ZDHHC14: variants seen among roughly 807,000 people sequenced by gnomAD.
ZDHHC14 encodes the protein zDHHC palmitoyltransferase 14.
In ZDHHC14, 16 loss-of-function variants were observed where a neutral mutation model predicts 47.7. That is an observed-to-expected ratio of 0.34 (90% CI 0.23 to 0.51). The LOEUF (loss-of-function observed/expected upper bound fraction) is 0.51. Ranked by LOEUF, ZDHHC14 falls within the 20% of genes least tolerant of loss-of-function variation. The pLI is 0.97. For missense variants in ZDHHC14, 515 were observed against 662.5 expected (o/e 0.78, Z 2.44); for synonymous variants, 293 against 278.9 (o/e 1.05, Z -0.50).
At chr6:157,598,031 C>T (rs1400846986) in intron 3 of ZDHHC14, among the ~76,000 whole-genome samples, 2 of 152,238 alleles carry the variant, frequency 1.3e-5, no homozygotes, top group Admixed American at 6.5e-5. Flanking sequence ...TCTTACTGCA[C>T]ACTCTGCCTT....
intron 1 of ZDHHC14, among the ~76,000 whole-genome samples, chr6:157,530,499 A>G (rs1331492917): frequency 6.6e-6 from 1 of 152,174 alleles, no homozygotes; most frequent in Non-Finnish European, 1.5e-5. Flanking sequence ...CTTTCAGTGA[A>G]TTTCATTTTG....
At chr6:157,622,787 G>A (rs1466792339) in intron 3 of ZDHHC14, among the ~76,000 whole-genome samples, 1 of 152,096 alleles carries the variant, frequency 6.6e-6, no homozygotes, top group Non-Finnish European at 1.5e-5. Context: ...TGTTTTGCCC[G>A]CGTTTGCCAG....
chr6:157,658,123 G>T (rs966500042), intron 8 of ZDHHC14, among the ~76,000 whole-genome samples: 2 of 152,066 alleles, frequency 1.3e-5, no homozygotes, highest in Non-Finnish European at 1.5e-5. Flanking sequence ...CAAGATGAGC[G>T]AGCTCAACTG....
chr6:157,491,029 C>T (rs773396505), intron 1 of ZDHHC14, among the ~76,000 whole-genome samples: 3 of 152,114 alleles, frequency 2.0e-5, no homozygotes, highest in East Asian at 1.9e-4. Context: ...CAAATGTGCC[C>T]GGAGGGCCTG....
intron 1 of ZDHHC14, among the ~76,000 whole-genome samples, chr6:157,432,784 C>T (rs1467824653): frequency 1.3e-5 from 2 of 152,182 alleles, no homozygotes; most frequent in African/African-American, 4.8e-5. Context: ...CTGTTTCAAC[C>T]TATAGTGACA....
intron 1 of ZDHHC14, among the ~76,000 whole-genome samples, chr6:157,399,003 T>A (rs1777578042): frequency 6.6e-6 from 1 of 152,214 alleles, no homozygotes; most frequent in Non-Finnish European, 1.5e-5. Flanking sequence ...TCAAAATAAT[T>A]AAGACGTTTA....
chr6:157,592,920 C>G, intron 2 of ZDHHC14, 68 bp from the exon 3 acceptor site: 6 of 1,524,076 alleles, frequency 3.9e-6, no homozygotes, highest in African/African-American at 1.4e-5. Context: ...ACACTCCAGG[C>G]GGACGGGTCC....
At chr6:157,573,734 G>C (rs372915774) in intron 2 of ZDHHC14, among the ~76,000 whole-genome samples, 1 of 152,160 alleles carries the variant, frequency 6.6e-6, no homozygotes, top group Non-Finnish European at 1.5e-5. Context: ...TGCCAGCTGC[G>C]CATCCTGGCT....
intron 1 of ZDHHC14, among the ~76,000 whole-genome samples, chr6:157,429,170 G>T (rs563423384): frequency 6.6e-6 from 1 of 152,220 alleles, no homozygotes; most frequent in South Asian, 2.1e-4. Context: ...TGATCATCTC[G>T]GCATGGGCGT....
rs552956844 is a variant in ZDHHC14 at position 157,642,066 on chromosome 6, A to ATAGATAGATAGT, written c.753-3668_753-3667insATAGATAGTTAG. Among the ~76,000 whole-genome samples, 626 of 147,796 alleles carry ATAGATAGATAGT rather than the reference A, an allele frequency of 4.2e-3. 2 individuals carry two copies. The highest frequency in any genetic ancestry group is 0.014 in the East Asian group (67 of 4,920). ...GATAGATAGATAGATAGATAGATAGATAGTTATCATGTTGGAAATTAGAAC... is the reference window on the plus strand; with the variant it reads ...GATAGATAGATAGATAGATAGATAGATAGATAGATAGTTAGTTATCATGTTGGAAATTAGAAC... On this transcript the variant is annotated intron_variant, in intron 5 of 8. Transcript: ENST00000359775.
At chr6:157,660,137 G>A (rs1053673574) in intron 8 of ZDHHC14, among the ~76,000 whole-genome samples, 1 of 151,550 alleles carries the variant, frequency 6.6e-6, no homozygotes, top group Non-Finnish European at 1.5e-5. Context: ...CTCGCTCACA[G>A]TCACACAGCT....
rs7757543 is a variant in ZDHHC14, at chr6:157,672,478, T to A, written c.1069-246T>A. Among the ~76,000 whole-genome samples, 1,501 of 152,260 alleles carry A rather than the reference T, an allele frequency of 9.9e-3. 25 individuals are homozygous for A. The highest frequency in any genetic ancestry group is 0.035 in the African/African-American group (1,435 of 41,550). Reference sequence around the variant, plus strand: ...TGGCTTCATAACCAGTGGCTGCATGTTATGACTGGGCACCCGTGGTGACTT... The same window carrying A: ...TGGCTTCATAACCAGTGGCTGCATGATATGACTGGGCACCCGTGGTGACTT... On this transcript the variant is annotated intron_variant, in intron 8 of 8. Transcript: ENST00000359775.
chr6:157,674,541 C>G lies in ZDHHC14; in HGVS notation c.*1419C>G, dbSNP rs1234353105. On this transcript the variant is annotated 3_prime_UTR_variant, in exon 9 of 9. Transcript: ENST00000359775. ...AGCAACTCCTCTCCTGGCTTCTTTC[C>G]AGACCATAAATCTAACAGCTAAAGC... 6.6e-6 allele frequency: 1 copy of G among 152,254 alleles called. No homozygotes were observed. Among genetic ancestry groups the G allele is most frequent in the African/African-American group, 2.4e-5 (1 of 41,452 alleles). The allele number at this position is 152,254 out of a possible 1,614,324, so 9.4% of individuals were successfully genotyped here.
intron 1 of ZDHHC14, among the ~76,000 whole-genome samples, chr6:157,402,468 C>A (rs1264880603): frequency 6.6e-6 from 1 of 152,016 alleles, no homozygotes; most frequent in Non-Finnish European, 1.5e-5. Context: ...GCTGAGGTCT[C>A]AGCTGCAGTA....
At position 157,419,810 on chromosome 6, in the gene ZDHHC14, C is replaced by T. The variant is rs187431643; in HGVS notation, c.245+37544C>T. Among the ~76,000 whole-genome samples, 15 of 152,254 alleles carry T rather than the reference C, an allele frequency of 9.9e-5. No individual in the cohort carries two copies. The East Asian group carries it at 1.9e-3, about 20-fold the overall frequency. On this transcript the variant is annotated intron_variant, in intron 1 of 8. Coordinates refer to ENST00000359775, the MANE Select transcript of ZDHHC14 (RefSeq NM_024630.3). The stretch of plus-strand genomic sequence containing the variant: ...TGTGTGGACATAAGTTTTCAGGGGA[C>T]GTGATTGCTGGATATATGGTAAGAC...
intron 1 of ZDHHC14, among the ~76,000 whole-genome samples, chr6:157,531,219 C>T (rs993523901): frequency 2.0e-5 from 3 of 152,060 alleles, no homozygotes; most frequent in African/African-American, 2.4e-5. Context: ...AAATATTTGT[C>T]GAGTGCCTAT....
chr6:157,660,033 C>T (rs1040642944), intron 8 of ZDHHC14, among the ~76,000 whole-genome samples: 6 of 152,160 alleles, frequency 3.9e-5, no homozygotes, highest in African/African-American at 1.4e-4. Context: ...TTGATACTAT[C>T]ATTGCAAGAG....
intron 1 of ZDHHC14, among the ~76,000 whole-genome samples, chr6:157,392,221 C>G (rs1330638529): frequency 6.6e-6 from 1 of 152,140 alleles, no homozygotes; most frequent in African/African-American, 2.4e-5. Context: ...TAGCTATCAA[C>G]TAATCATTGA....
intron 3 of ZDHHC14, among the ~76,000 whole-genome samples, chr6:157,612,729 G>T (rs1237032896): frequency 6.6e-6 from 1 of 152,118 alleles, no homozygotes; most frequent in African/African-American, 2.4e-5. Flanking sequence ...CTGGCATGCA[G>T]CTGCTCAGTT....
Sources: gnomAD v4.1 joint callset for allele counts (sites outside exome capture counted in the v4.1 genomes callset) on GRCh38, gnomAD v4.1.1 for gene constraint, MANE v1.5 for transcripts, NCBI Gene and HGNC (gene_info 2026-07-23, HGNC 2026-07-21) for gene names.